PTPRN2: variants seen among roughly 807,000 people sequenced by gnomAD.
PTPRN2 encodes the protein protein tyrosine phosphatase receptor type N2, also known as receptor-type tyrosine-protein phosphatase N2.
A neutral mutation model predicts 118.8 loss-of-function variants in PTPRN2; 74 were observed. The ratio of observed to expected loss-of-function variants is 0.62; its 90% CI spans 0.52 to 0.76. The LOEUF (loss-of-function observed/expected upper bound fraction) is 0.76. PTPRN2 is among the 30% of genes least tolerant of loss of function. The probability of loss-of-function intolerance (pLI) is 0.00; values close to 1 mark genes in which losing one functional copy is unlikely to be tolerated. For synonymous variants in PTPRN2, 641 were observed against 608.0 expected (o/e 1.05, Z -0.80); for missense variants, 1,481 against 1,394.4 (o/e 1.06, Z -0.99).
At chr7:158,263,467 C>T (rs1330278192) in intron 3 of PTPRN2, among the ~76,000 whole-genome samples, 15 of 152,254 alleles carry the variant, frequency 9.9e-5, no homozygotes, top group African/African-American at 3.1e-4. Context: ...TTCTCCCGAC[C>T]GCATCCCACA....
chr7:158,280,065 G>T (rs527648220), intron 3 of PTPRN2, among the ~76,000 whole-genome samples: 17 of 150,462 alleles, frequency 1.1e-4, no homozygotes, highest in Admixed American at 8.6e-4. Flanking sequence ...CCCCCAAACT[G>T]CACCAAGACA....
At chr7:158,505,136 A>T (rs915276262) in intron 1 of PTPRN2, among the ~76,000 whole-genome samples, 1 of 152,220 alleles carries the variant, frequency 6.6e-6, no homozygotes, top group Non-Finnish European at 1.5e-5. Context: ...TCGCATCATA[A>T]ATCACTCAGG....
chr7:157,924,102 G>A (rs565924292), intron 11 of PTPRN2, among the ~76,000 whole-genome samples: 1 of 152,202 alleles, frequency 6.6e-6, no homozygotes, highest in African/African-American at 2.4e-5. Context: ...TGGAGGAGGG[G>A]GCCCGGTCCT....
At chr7:157,580,154 CT>C (rs1299927370) in intron 17 of PTPRN2, among the ~76,000 whole-genome samples, 16 of 152,192 alleles carry the variant, frequency 1.1e-4, no homozygotes, top group African/African-American at 3.9e-4. Context: ...GTGCTAACCC[CT>C]GGCACCTGTG....
chr7:158,031,856 A>T (rs1175432194), intron 11 of PTPRN2, among the ~76,000 whole-genome samples: 1 of 152,246 alleles, frequency 6.6e-6, no homozygotes, highest in Non-Finnish European at 1.5e-5. Context: ...CAGCCTCAGG[A>T]AGATGCATTA....
chr7:158,111,331 T>G (rs1816253842), intron 9 of PTPRN2, among the ~76,000 whole-genome samples: 1 of 152,044 alleles, frequency 6.6e-6, no homozygotes, highest in African/African-American at 2.4e-5. Context: ...AACTACCCAA[T>G]GGAAGTGTGA....
At chr7:157,957,198 C>T (rs979173998) in intron 11 of PTPRN2, among the ~76,000 whole-genome samples, 18 of 152,214 alleles carry the variant, frequency 1.2e-4, no homozygotes, top group African/African-American at 3.6e-4. Flanking sequence ...GACTATAAGT[C>T]CCCACAAATT....
chr7:158,411,184 C>A (rs550870314), intron 2 of PTPRN2, among the ~76,000 whole-genome samples: 1 of 152,192 alleles, frequency 6.6e-6, no homozygotes, highest in Non-Finnish European at 1.5e-5. Context: ...CCCATGAGCA[C>A]CCCATCCCTT....
At chr7:157,643,748 T>C (rs1804850202) in intron 14 of PTPRN2, among the ~76,000 whole-genome samples, 1 of 152,184 alleles carries the variant, frequency 6.6e-6, no homozygotes, top group African/African-American at 2.4e-5. Context: ...GCGGCCAGGC[T>C]CCAGCCAGGA....
At chr7:158,192,255 G>A in intron 5 of PTPRN2, 72 bp downstream of exon 5, 1 of 1,371,322 alleles carries the variant, frequency 7.3e-7, no homozygotes, top group Admixed American at 3.6e-5. Flanking sequence ...CAGCGACTAA[G>A]GAAACATGCC....
At chr7:158,441,738 C>T (rs1445544287) in intron 2 of PTPRN2, among the ~76,000 whole-genome samples, 3 of 143,666 alleles carry the variant, frequency 2.1e-5, no homozygotes, top group Admixed American at 6.9e-5. Flanking sequence ...ATGGTGATGG[C>T]AGTGGTGGTG....
intron 11 of PTPRN2, among the ~76,000 whole-genome samples, chr7:157,954,174 GT>G: frequency 1.2e-5 from 1 of 84,846 alleles, no homozygotes; most frequent in Non-Finnish European, 2.7e-5. Flanking sequence ...TGTGTGCTGT[GT>G]GGTGTGTGTG....
chr7:157,630,715 C>T (rs550546934), intron 14 of PTPRN2, among the ~76,000 whole-genome samples: 2 of 152,206 alleles, frequency 1.3e-5, no homozygotes, highest in East Asian at 1.9e-4. Context: ...AGCAAACACA[C>T]GGTTTTGGAA....
At chr7:158,346,523 T>C (rs1308665227) in intron 2 of PTPRN2, among the ~76,000 whole-genome samples, 2 of 152,256 alleles carry the variant, frequency 1.3e-5, no homozygotes, top group African/African-American at 2.4e-5. Flanking sequence ...CATCTGTCGA[T>C]GGACATTTAG....
chr7:158,451,262 A>G (rs1271330420), intron 2 of PTPRN2, among the ~76,000 whole-genome samples: 2 of 152,150 alleles, frequency 1.3e-5, no homozygotes, highest in Non-Finnish European at 2.9e-5. Context: ...TGTCATTTAC[A>G]TGTGTTGAAA....
Position 158,081,458 on chromosome 7 carries a change from G to C in PTPRN2, c.1644-81C>G, listed in dbSNP as rs1180898513. 8 of 1,390,680 alleles carry C rather than the reference G, an allele frequency of 5.8e-6. No individual in the cohort carries two copies. The South Asian group carries it at 9.3e-5, about 16-fold the overall frequency. 86.1% of individuals were successfully genotyped at this position (1,390,680 alleles called of 1,614,324 possible). A position where few individuals can be genotyped will look rare whatever the true frequency, so the allele number is the denominator to read the frequency against. On this transcript the variant is annotated intron_variant, in intron 10 of 22. Transcript: ENST00000389418. ...TTCTGAAAACGACATGGAAAACACTGGTGTGTTTTTAAAAACGCAAACATC... is the reference window on the plus strand; with the variant it reads ...TTCTGAAAACGACATGGAAAACACTCGTGTGTTTTTAAAAACGCAAACATC...
rs117037415 is a variant in PTPRN2 at position 158,215,268 on chromosome 7, G to A, written c.278-9995C>T. Among the ~76,000 whole-genome samples the A allele has an allele frequency of 3.3e-3, 499 of 152,244 alleles. 3 individuals are homozygous for A. The highest frequency in any genetic ancestry group is 5.8e-3 in the Admixed American group (89 of 15,290). On this transcript the variant is annotated intron_variant, in intron 3 of 22. Coordinates refer to ENST00000389418, the MANE Select transcript of PTPRN2 (RefSeq NM_002847.5). ...CATAACAGAAGGATGGAGAGACAGA[G>A]GAAAGAATCAGTGAAGTGAGGATAA...
chr7:157,750,365 G>A (rs1333351966), intron 12 of PTPRN2, among the ~76,000 whole-genome samples: 1 of 152,208 alleles, frequency 6.6e-6, no homozygotes, highest in Non-Finnish European at 1.5e-5. Context: ...CTGGCCGGAT[G>A]TAGGGAGTGA....
chr7:158,316,727 C>T (rs866712051), intron 3 of PTPRN2, 92 bp downstream of exon 3: 18 of 929,872 alleles, frequency 1.9e-5, no homozygotes, highest in South Asian at 1.2e-4. Flanking sequence ...GGATTCAGTC[C>T]GTCCCAGCTC....
Sources: gnomAD v4.1 joint callset for allele counts (sites outside exome capture counted in the v4.1 genomes callset) on GRCh38, gnomAD v4.1.1 for gene constraint, MANE v1.5 for transcripts, NCBI Gene and HGNC (gene_info 2026-07-23, HGNC 2026-07-21) for gene names.